Variants in HNRNPK observed in about 807,000 individuals in gnomAD.
The protein encoded by HNRNPK is dC-stretch binding protein.
Under a neutral mutation model 67.0 loss-of-function variants are expected in HNRNPK, and 7 were observed. The ratio of observed to expected loss-of-function variants is 0.10; its 90% confidence interval spans 0.06 to 0.20. The LOEUF is 0.20. Among genes scored for constraint, HNRNPK ranks in the 10% least tolerant of loss-of-function variants. HNRNPK has a pLI of 1.00. For synonymous variants in HNRNPK, 213 were observed against 193.7 expected (o/e 1.10, Z -0.83); for missense variants, 264 against 606.5 (o/e 0.44, Z 5.93).
intron 1 of HNRNPK, among the ~76,000 whole-genome samples, chr9:83,979,934 G>A (rs1045117117): frequency 2.6e-5 from 4 of 152,300 alleles, no homozygotes; most frequent in African/African-American, 9.6e-5. Flanking sequence ...TCATCCTAGA[G>A]GCACATGCCT....
chr9:83,973,203 G>T (rs1956933409), intron 9 of HNRNPK, 83 bp downstream of exon 9: 1 of 855,046 alleles, frequency 1.2e-6, no homozygotes, highest in Non-Finnish European at 2.0e-6. Context: ...ACTGAGAGGG[G>T]AAGCGAGAGA....
intron 12 of HNRNPK, 123 bp downstream of exon 12, chr9:83,971,549 T>C: frequency 2.3e-6 from 2 of 863,068 alleles, no homozygotes; most frequent in Non-Finnish European, 3.8e-6. Flanking sequence ...ATTTAACTAG[T>C]AATCCAAACA....
intron 12 of HNRNPK, 132 bp from the exon 13 acceptor site, chr9:83,971,488 G>A: frequency 1.2e-6 from 1 of 801,918 alleles, no homozygotes; most frequent in Non-Finnish European, 2.1e-6. Flanking sequence ...TGTAATCGAG[G>A]GGAACAAAGC....
chr9:83,970,599 AGC>A (rs1588411588), intron 15 of HNRNPK, 136 bp downstream of exon 15: 1 of 688,450 alleles, frequency 1.5e-6, no homozygotes, highest in East Asian at 2.7e-5. Context: ...CTGAAAACCC[AGC>A]TCACTAAAGC....
chr9:83,978,668 T>C (rs1199740272), intron 1 of HNRNPK, among the ~76,000 whole-genome samples: 2 of 152,220 alleles, frequency 1.3e-5, no homozygotes, highest in Non-Finnish European at 2.9e-5. Context: ...ACAATAACTT[T>C]TAGCCACTGG....
chr9:83,979,102 C>G (rs1357779497), intron 1 of HNRNPK, among the ~76,000 whole-genome samples: 1 of 152,190 alleles, frequency 6.6e-6, no homozygotes, highest in Non-Finnish European at 1.5e-5. Flanking sequence ...ATGCCTGTAA[C>G]ACGAAAACTA....
At chr9:83,969,911 G>T (rs1247169707) in intron 16 of HNRNPK, 4 of 624,990 alleles carry the variant, frequency 6.4e-6, no homozygotes, top group Non-Finnish European at 1.2e-5. Context: ...AGTGGTTTTG[G>T]CAGCAGTTTT....
In HNRNPK at chr9:83,971,954, G is replaced by T; in HGVS notation, c.881C>A (p.Pro294His). ...SPRRGPPPPP[P>H]GRGGRGGSRA... ...GCTACCACCCCGGCCGCCTCGTCCG[G>T]GAGGAGGGGGAGGTGGTCCTCGACG... The change falls in exon 11 of 17, where the codon CCC (proline) becomes CAC (histidine). Residue 294 changes from proline to histidine, a missense_variant. Physicochemically the swap from Pro to His is moderately conservative, Grantham distance 77. Coordinates refer to ENST00000376263, the MANE Select transcript of HNRNPK (RefSeq NM_031263.4). 6.2e-7 allele frequency: 1 copy of T among 1,601,854 alleles called. No individual in the cohort carries two copies. The highest frequency in any genetic ancestry group is 8.5e-7 in the Non-Finnish European group (1 of 1,171,092).
At chr9:83,978,958 C>CTAA (rs1957211544) in intron 1 of HNRNPK, among the ~76,000 whole-genome samples, 1 of 152,188 alleles carries the variant, frequency 6.6e-6, no homozygotes, top group Non-Finnish European at 1.5e-5. Context: ...ATCCAAAAAT[C>CTAA]TAATATAGGA....
chr9:83,975,706 G>A (rs1957037792), intron 5 of HNRNPK: 2 of 619,778 alleles, frequency 3.2e-6, no homozygotes, highest in Non-Finnish European at 5.9e-6. Flanking sequence ...ATGGGCAACG[G>A]AGATATATGG....
chr9:83,973,920 A>G lies in HNRNPK; in HGVS notation c.384T>C (p.Asp128=). ...TATSQLPLES[D]AVECLNYQHY... is the part of the protein sequence containing the mutation. ...GACATACATTTAAGCATTCCACAGC[A>G]TCAGATTCGAGCGGGAGCTGGCTGG... Residue 128 remains aspartate (D), a synonymous_variant, in exon 8 of 17, where the codon GAT becomes GAC. Coordinates refer to ENST00000376263, the MANE Select transcript of HNRNPK (RefSeq NM_031263.4). The G allele has an allele frequency of 6.2e-7, 1 of 1,613,850 alleles. No homozygotes were observed. The highest frequency in any genetic ancestry group is 8.5e-7 in the Non-Finnish European group (1 of 1,179,786).
At position 83,970,506 on chromosome 9, in the gene HNRNPK, T is replaced by C. The variant is rs536702402; in HGVS notation, c.1192-175A>G. The C allele has an allele frequency of 1.1e-3, 704 of 652,316 alleles. 5 individuals carry two copies. The highest frequency in any genetic ancestry group is 5.1e-4 in the Non-Finnish European group (195 of 381,770). The allele number at this position is 652,316 out of a possible 1,614,324, so 40.4% of individuals were successfully genotyped here. Reference sequence around the variant, plus strand: ...AATGTATTTATGTCACACTTACTAATGTTTCCCTTAGTTAGTTAAGGGCTC... The same window carrying C: ...AATGTATTTATGTCACACTTACTAACGTTTCCCTTAGTTAGTTAAGGGCTC... On this transcript the variant is annotated intron_variant, in intron 15 of 16. Transcript: ENST00000376263.
chr9:83,975,548 G>A, intron 5 of HNRNPK, 43 bp from the exon 6 acceptor site: 1 of 1,489,038 alleles, frequency 6.7e-7, no homozygotes, highest in Non-Finnish European at 9.4e-7. Context: ...CATTGGGCAT[G>A]GGCATTCAAT....
rs1956672296 is a variant in HNRNPK at position 83,968,357 on chromosome 9, T to C, written c.*1050A>G. ...AAATGGTACATCTTTTTCTTTCAAT[T>C]TGCATACAATGGAAAAACAAGTATA... On this transcript the variant is annotated 3_prime_UTR_variant, in exon 17 of 17. Transcript: ENST00000376263. 6.6e-6 allele frequency: 1 copy of C among 152,560 alleles called. No individual in the cohort carries two copies. The highest frequency in any genetic ancestry group is 1.9e-4 in the East Asian group (1 of 5,204). 9.5% of individuals were successfully genotyped at this position (152,560 alleles called of 1,614,324 possible).
At chr9:83,973,101 G>A (rs1956926999) in intron 9 of HNRNPK, 129 bp from the exon 10 acceptor site, 1 of 780,004 alleles carries the variant, frequency 1.3e-6, no homozygotes, top group Non-Finnish European at 2.0e-6. Flanking sequence ...ATTATCACAG[G>A]GCTTTGCAAT....
intron 8 of HNRNPK, 105 bp from the exon 9 acceptor site, chr9:83,973,504 T>C: frequency 1.4e-6 from 1 of 702,972 alleles, no homozygotes; most frequent in African/African-American, 1.8e-5. Flanking sequence ...GTGAGCAACC[T>C]GAATTTATAT....
rs140560283 is a variant in HNRNPK at position 83,969,092 on chromosome 9, A to G, written c.*315T>C. On this transcript the variant is annotated 3_prime_UTR_variant, in exon 17 of 17. Transcript: ENST00000376263. The stretch of plus-strand genomic sequence containing the variant: ...TGTTCACAATAATTACATGGGGGGA[A>G]TTTTTTAAACCACCAACAATAACGA... The G allele has an allele frequency of 4.4e-4, 215 of 490,064 alleles. No homozygotes were observed. The highest frequency in any genetic ancestry group is 3.9e-3 in the African/African-American group (201 of 51,376). The allele number at this position is 490,064 out of a possible 1,614,324, so 30.4% of individuals were successfully genotyped here. A position where few individuals can be genotyped will look rare whatever the true frequency, so the allele number is the denominator to read the frequency against.
At chr9:83,977,570 G>C in intron 4 of HNRNPK, 119 bp downstream of exon 4, 1 of 616,574 alleles carries the variant, frequency 1.6e-6, no homozygotes, top group East Asian at 2.8e-5. Flanking sequence ...TGTTTAGAAA[G>C]AACCAAATGT....
intron 1 of HNRNPK, among the ~76,000 whole-genome samples, chr9:83,979,644 G>A (rs1279525933): frequency 6.6e-6 from 1 of 152,176 alleles, no homozygotes; most frequent in African/African-American, 2.4e-5. Context: ...CCCGCGTAAT[G>A]GCGACTACGT....
Sources: allele counts gnomAD v4.1 joint callset (sites outside exome capture counted in the v4.1 genomes callset), GRCh38; gene constraint gnomAD v4.1.1; transcripts MANE v1.5; gene names NCBI Gene and HGNC (gene_info 2026-07-23, HGNC 2026-07-21).